The following ERC2 variants were observed in gnomAD, a reference collection of about 807,000 sequenced individuals.
The protein encoded by ERC2 is ERC protein 2.
Under a neutral mutation model 114.8 loss-of-function variants are expected in ERC2, and 42 were observed. That is an observed-to-expected ratio of 0.37 (90% CI 0.29 to 0.47). ERC2 has a LOEUF of 0.47. Ranked by LOEUF, ERC2 falls within the 20% of genes least tolerant of loss-of-function variation. The pLI is 0.99. For missense variants in ERC2, 939 were observed against 1,150.7 expected (o/e 0.82, Z 2.66); for synonymous variants, 454 against 425.5 (o/e 1.07, Z -0.82).
At chr3:55,948,038 G>A (rs1576318269) in intron 13 of ERC2, among the ~76,000 whole-genome samples, 1 of 152,198 alleles carries the variant, frequency 6.6e-6, no homozygotes, top group African/African-American at 2.4e-5. Context: ...TTTGACTGAG[G>A]TGACGCAGGT....
chr3:56,348,421 A>G (rs1576535586), intron 2 of ERC2, among the ~76,000 whole-genome samples: 1 of 152,106 alleles, frequency 6.6e-6, no homozygotes, highest in East Asian at 1.9e-4. Context: ...TGGGGACTAC[A>G]GAGTGTGCGT....
intron 7 of ERC2, among the ~76,000 whole-genome samples, chr3:56,026,057 C>CTTTTTTTTTTTTTTTT (rs59635680): frequency 1.4e-5 from 1 of 69,210 alleles, no homozygotes; most frequent in Non-Finnish European, 2.7e-5. Context: ...CCGTTTCTTT[C>CTTTTTTTTTTTTTTTT]TTTTTTTTTT....
intron 3 of ERC2, among the ~76,000 whole-genome samples, chr3:56,185,854 C>A (rs1357106799): frequency 1.3e-5 from 2 of 151,996 alleles, no homozygotes; most frequent in Non-Finnish European, 2.9e-5. Flanking sequence ...TGAGAACTTT[C>A]TCTGGCTGGA....
intron 8 of ERC2, among the ~76,000 whole-genome samples, chr3:56,016,604 G>A (rs1258933602): frequency 6.6e-6 from 1 of 151,916 alleles, no homozygotes; most frequent in Non-Finnish European, 1.5e-5. Flanking sequence ...TGATTTGGTA[G>A]GTATAGATGG....
At chr3:55,529,698 C>T (rs2053552621) in intron 17 of ERC2, among the ~76,000 whole-genome samples, 1 of 152,192 alleles carries the variant, frequency 6.6e-6, no homozygotes, top group South Asian at 2.1e-4. Flanking sequence ...TAATCAGCCA[C>T]ACTTAAGAAC....
intron 14 of ERC2, among the ~76,000 whole-genome samples, chr3:55,831,278 C>CTTCA (rs1235079596): frequency 6.8e-6 from 1 of 147,126 alleles, no homozygotes; most frequent in African/African-American, 2.5e-5. Flanking sequence ...TGCCACTGTA[C>CTTCA]TTCAGACTGG....
chr3:55,779,400 C>T (rs1304188825), intron 14 of ERC2, among the ~76,000 whole-genome samples: 1 of 149,434 alleles, frequency 6.7e-6, no homozygotes, highest in Non-Finnish European at 1.5e-5. Flanking sequence ...ACTCAGGAGG[C>T]TGAGGCGGGA....
chr3:56,381,918 T>C (rs945274819), intron 2 of ERC2, among the ~76,000 whole-genome samples: 1 of 152,080 alleles, frequency 6.6e-6, no homozygotes, highest in Non-Finnish European at 1.5e-5. Flanking sequence ...AGATCTCCTA[T>C]ACCCTCAACC....
intron 14 of ERC2, among the ~76,000 whole-genome samples, chr3:55,793,943 G>C (rs1052092871): frequency 6.6e-6 from 1 of 152,160 alleles, no homozygotes; most frequent in African/African-American, 2.4e-5. Context: ...AATAGTGCCA[G>C]ATCTCTGCAA....
At chr3:55,663,090 T>C (rs2061208164) in intron 17 of ERC2, among the ~76,000 whole-genome samples, 1 of 152,132 alleles carries the variant, frequency 6.6e-6, no homozygotes, top group Non-Finnish European at 1.5e-5. Flanking sequence ...ACAGGAGACA[T>C]ATATACAAGA....
At chr3:56,147,026 T>C (rs994169474) in intron 5 of ERC2, among the ~76,000 whole-genome samples, 1 of 152,220 alleles carries the variant, frequency 6.6e-6, no homozygotes, top group Non-Finnish European at 1.5e-5. Context: ...GGGCAGAGTT[T>C]ACAAATTTCA....
intron 17 of ERC2, among the ~76,000 whole-genome samples, chr3:55,621,437 T>G (rs989843953): frequency 1.1e-4 from 17 of 152,140 alleles, no homozygotes; most frequent in African/African-American, 4.1e-4. Flanking sequence ...ACAGACAGGT[T>G]ATAGCTTCTC....
intron 14 of ERC2, among the ~76,000 whole-genome samples, chr3:55,747,427 CA>C (rs1170380947): frequency 6.6e-6 from 1 of 152,076 alleles, no homozygotes; most frequent in African/African-American, 2.4e-5. Flanking sequence ...AATAGATTGT[CA>C]AACCAAAGGG....
chr3:55,908,862 T>TAGCCA (rs1033979973), intron 13 of ERC2, among the ~76,000 whole-genome samples: 5 of 152,194 alleles, frequency 3.3e-5, no homozygotes, highest in African/African-American at 9.7e-5. Context: ...CCACCTTTTC[T>TAGCCA]AGCCATAGGG....
intron 16 of ERC2, among the ~76,000 whole-genome samples, chr3:55,687,172 C>G (rs1404896519): frequency 6.6e-6 from 1 of 152,164 alleles, no homozygotes; most frequent in Non-Finnish European, 1.5e-5. Flanking sequence ...TGATGACAAG[C>G]TCTAAAGGCA....
intron 14 of ERC2, among the ~76,000 whole-genome samples, chr3:55,863,399 A>G (rs2062111719): frequency 6.6e-6 from 1 of 152,194 alleles, no homozygotes; most frequent in South Asian, 2.1e-4. Flanking sequence ...CTATAAGTAC[A>G]TGGAAAAACT....
At chr3:55,616,631 CTT>C (rs11289307) in intron 17 of ERC2, among the ~76,000 whole-genome samples, 1,687 of 141,830 alleles carry the variant, frequency 0.012, 28 homozygotes, top group African/African-American at 0.037. Context: ...AGTTATTGTG[CTT>C]TTTTTTTTTT....
intron 14 of ERC2, among the ~76,000 whole-genome samples, chr3:55,828,717 G>C (rs2060439108): frequency 6.6e-6 from 1 of 151,948 alleles, no homozygotes; most frequent in Non-Finnish European, 1.5e-5. Context: ...TGGACACTGA[G>C]ACAACTACCA....
chr3:56,352,402 G>A (rs910074668), intron 2 of ERC2, among the ~76,000 whole-genome samples: 3 of 152,194 alleles, frequency 2.0e-5, no homozygotes, highest in Non-Finnish European at 4.4e-5. Context: ...CAAAGTGTGT[G>A]ATTTGATTGT....
Sources: allele counts gnomAD v4.1 joint callset (sites outside exome capture counted in the v4.1 genomes callset), GRCh38; gene constraint gnomAD v4.1.1; transcripts MANE v1.5; gene names NCBI Gene and HGNC (gene_info 2026-07-23, HGNC 2026-07-21).